Variants in PPP1R12B observed in about 807,000 individuals in gnomAD.
PPP1R12B encodes myosin phosphatase target subunit 2.
PPP1R12B carries 76 observed loss-of-function variants against 126.1 expected under a neutral mutation model. The ratio of observed to expected loss-of-function variants is 0.60; its 90% CI spans 0.50 to 0.73. The LOEUF is 0.73. PPP1R12B is among the 30% of genes least tolerant of loss of function. The pLI, the probability that PPP1R12B is intolerant of heterozygous loss-of-function variation, is 0.00. For missense variants in PPP1R12B, 1,052 were observed against 1,205.1 expected, an observed-to-expected ratio of 0.87 and a Z score of 1.88; for synonymous variants, 356 against 434.7, an observed-to-expected ratio of 0.82 and a Z score of 2.25.
At chr1:202,453,586 G>A (rs1224558091) in intron 13 of PPP1R12B, among the ~76,000 whole-genome samples, 1 of 152,110 alleles carries the variant, frequency 6.6e-6, no homozygotes, top group East Asian at 1.9e-4. Context: ...GAGTATGTAT[G>A]TATGTGTAGT....
At chr1:202,392,120 A>G (rs1664220540) in intron 1 of PPP1R12B, among the ~76,000 whole-genome samples, 1 of 149,510 alleles carries the variant, frequency 6.7e-6, no homozygotes, top group South Asian at 2.2e-4. Context: ...CTGAAGATAA[A>G]TGAATTATCT....
chr1:202,375,224 G>A (rs1475047817), intron 1 of PPP1R12B, among the ~76,000 whole-genome samples: 2 of 152,212 alleles, frequency 1.3e-5, no homozygotes, highest in Non-Finnish European at 2.9e-5. Flanking sequence ...GATTACAGGC[G>A]TGAGCCACTG....
chr1:202,409,463 A>G (rs1159540577), intron 1 of PPP1R12B, among the ~76,000 whole-genome samples: 1 of 151,836 alleles, frequency 6.6e-6, no homozygotes, highest in Admixed American at 6.6e-5. Context: ...CTGGGACTAC[A>G]GGCACGCGCC....
At chr1:202,541,871 G>A (rs1160854051) in intron 18 of PPP1R12B, among the ~76,000 whole-genome samples, 2 of 152,138 alleles carry the variant, frequency 1.3e-5, no homozygotes, top group Non-Finnish European at 2.9e-5. Flanking sequence ...AGGTCACAGT[G>A]GGAGAAAATC....
At chr1:202,400,246 T>C (rs540893523) in intron 1 of PPP1R12B, among the ~76,000 whole-genome samples, 8 of 152,356 alleles carry the variant, frequency 5.3e-5, no homozygotes, top group Admixed American at 5.2e-4. Context: ...TATTAATGTA[T>C]TAGCTTGCTT....
At chr1:202,558,320 A>C (rs1239586419) in intron 18 of PPP1R12B, among the ~76,000 whole-genome samples, 1 of 151,222 alleles carries the variant, frequency 6.6e-6, no homozygotes, top group Non-Finnish European at 1.5e-5. Context: ...TCTAACCAGC[A>C]TCCTAGGGAC....
At chr1:202,470,762 A>G (rs1293293099) in intron 13 of PPP1R12B, among the ~76,000 whole-genome samples, 1 of 152,040 alleles carries the variant, frequency 6.6e-6, no homozygotes, top group Non-Finnish European at 1.5e-5. Context: ...AATTTTAGCC[A>G]GGCCTGGGAG....
At chr1:202,511,062 A>T (rs1409194996) in intron 18 of PPP1R12B, among the ~76,000 whole-genome samples, 1 of 147,132 alleles carries the variant, frequency 6.8e-6, no homozygotes, top group Non-Finnish European at 1.5e-5. Flanking sequence ...AATAATATAT[A>T]ATATATATTA....
intron 21 of PPP1R12B, among the ~76,000 whole-genome samples, chr1:202,566,759 G>C (rs1320755277): frequency 6.6e-6 from 1 of 152,090 alleles, no homozygotes; most frequent in Non-Finnish European, 1.5e-5. Context: ...CCCAGGACAG[G>C]AGCCAGAATT....
intron 14 of PPP1R12B, among the ~76,000 whole-genome samples, chr1:202,490,742 G>A (rs940249111): frequency 6.6e-6 from 1 of 152,108 alleles, no homozygotes; most frequent in Admixed American, 6.6e-5. Flanking sequence ...CTTTTGTGTC[G>A]TATTTTACTT....
chr1:202,351,683 A>AAT (rs1250424545), intron 1 of PPP1R12B, among the ~76,000 whole-genome samples: 21 of 152,326 alleles, frequency 1.4e-4, no homozygotes, highest in African/African-American at 5.1e-4. Flanking sequence ...TATTTATTTA[A>AAT]AATGTCCATT....
intron 23 of PPP1R12B, among the ~76,000 whole-genome samples, chr1:202,580,217 A>G (rs1323423646): frequency 1.3e-5 from 2 of 152,244 alleles, no homozygotes; most frequent in Admixed American, 6.5e-5. Context: ...AGGTCTGCCT[A>G]TGAAGAAATA....
chr1:202,401,479 ACTTT>A (rs1297852414), intron 1 of PPP1R12B, among the ~76,000 whole-genome samples: 1 of 144,538 alleles, frequency 6.9e-6, no homozygotes, highest in African/African-American at 2.6e-5. Flanking sequence ...CAAATAAAGT[ACTTT>A]CTATTTGGCT....
intron 19 of PPP1R12B, among the ~76,000 whole-genome samples, chr1:202,561,890 C>G (rs1687572343): frequency 2.0e-5 from 3 of 152,180 alleles, no homozygotes; most frequent in African/African-American, 7.2e-5. Flanking sequence ...CAAATAGCTA[C>G]CACAGGACAG....
Position 202,565,958 on chromosome 1 carries a change from TA to T in PPP1R12B, c.2757+1412del, listed in dbSNP as rs1234390831. Reference sequence around the variant, plus strand: ...TCAAAAGAAATCTGGGGCTAATTTTTATTCTGAATGGCGCCACATATTGGCA... The same window carrying T: ...TCAAAAGAAATCTGGGGCTAATTTTTTTCTGAATGGCGCCACATATTGGCA... On this transcript the variant is annotated intron_variant, in intron 21 of 23. Transcript: ENST00000608999. The surrounding 1 kb of genome is among the most constrained non-coding windows in gnomAD (Gnocchi z 4.3). Among the ~76,000 whole-genome samples, 1 of 152,228 alleles carries T rather than the reference TA, an allele frequency of 6.6e-6. No individual in the cohort carries two copies. The highest frequency in any genetic ancestry group is 1.5e-5 in the Non-Finnish European group (1 of 68,042).
chr1:202,550,791 G>A (rs745439087), intron 18 of PPP1R12B, among the ~76,000 whole-genome samples: 5 of 152,286 alleles, frequency 3.3e-5, no homozygotes, highest in Middle Eastern at 3.4e-3. Context: ...AAAATATGCC[G>A]GAGGCTGCAA....
intron 18 of PPP1R12B, among the ~76,000 whole-genome samples, chr1:202,500,631 TA>T (rs1167914536): frequency 3.3e-5 from 5 of 152,064 alleles, no homozygotes; most frequent in African/African-American, 1.2e-4. Context: ...AAATTACAGG[TA>T]GGGGGAATAA....
At chr1:202,353,627 T>TGTGA (rs1553260725) in intron 1 of PPP1R12B, among the ~76,000 whole-genome samples, 6 of 142,332 alleles carry the variant, frequency 4.2e-5, no homozygotes, top group Non-Finnish European at 1.5e-5. Flanking sequence ...TGTGTGTGTG[T>TGTGA]GTGACAGGGT....
chr1:202,436,613 A>T lies in PPP1R12B; in HGVS notation c.1255-1208A>T, dbSNP rs190698334. Among the ~76,000 whole-genome samples the T allele has an allele frequency of 5.0e-3, 754 of 152,306 alleles. 11 individuals are homozygous for T. The highest frequency in any genetic ancestry group is 0.017 in the African/African-American group (688 of 41,556). ...GTGTTCCAGAGACTAGCTGTACCCC[A>T]AACTGGTCCTTGGCCTAATGCTGGT... On this transcript the variant is annotated intron_variant, in intron 9 of 23. Coordinates refer to ENST00000608999, the MANE Select transcript of PPP1R12B (RefSeq NM_002481.4).
Sources: allele counts gnomAD v4.1 joint callset (sites outside exome capture counted in the v4.1 genomes callset), GRCh38; gene constraint gnomAD v4.1.1; non-coding constraint Gnocchi (gnomAD v3.1); transcripts MANE v1.5; gene names NCBI Gene and HGNC (gene_info 2026-07-23, HGNC 2026-07-21).